TBC1D5: variants seen among roughly 807,000 people sequenced by gnomAD.
The protein encoded by TBC1D5 is TBC1 domain family member 5, also known as TBC1 domain family, member 5.
Under a neutral mutation model 100.3 loss-of-function variants are expected in TBC1D5, and 75 were observed. That is an observed-to-expected ratio of 0.75 (90% CI 0.62 to 0.91). The LOEUF (loss-of-function observed/expected upper bound fraction) is 0.91, where lower values mean the gene tolerates loss of function less well. Ranked by LOEUF, TBC1D5 falls within the 40% of genes least tolerant of loss-of-function variation. The pLI, the probability that TBC1D5 is intolerant of heterozygous loss-of-function variation, is 0.00. For synonymous variants in TBC1D5, 323 were observed against 325.6 expected (o/e 0.99, Z 0.09); for missense variants, 910 against 942.4 (o/e 0.97, Z 0.45).
chr3:17,322,927 C>G (rs979241797), intron 13 of TBC1D5, among the ~76,000 whole-genome samples: 1 of 152,260 alleles, frequency 6.6e-6, no homozygotes, highest in East Asian at 1.9e-4. Context: ...CAGGTGCCAT[C>G]GTGCCTTAGC....
intron 15 of TBC1D5, among the ~76,000 whole-genome samples, chr3:17,281,478 C>A (rs1412746565): frequency 6.6e-6 from 1 of 152,206 alleles, no homozygotes. Flanking sequence ...TCTGGAGGAG[C>A]TTGGAGGCTC....
At chr3:17,307,239 A>G (rs1018991831) in intron 14 of TBC1D5, among the ~76,000 whole-genome samples, 2 of 152,176 alleles carry the variant, frequency 1.3e-5, no homozygotes, top group African/African-American at 4.8e-5. Flanking sequence ...TTAGCTACCT[A>G]TTTCCTAATT....
At chr3:17,468,274 T>A (rs1051040318) in intron 3 of TBC1D5, among the ~76,000 whole-genome samples, 5 of 152,188 alleles carry the variant, frequency 3.3e-5, no homozygotes, top group African/African-American at 1.2e-4. Context: ...GCAGAACATG[T>A]TTGGCAGCTC....
chr3:17,516,414 A>G (rs1031523723), intron 2 of TBC1D5, among the ~76,000 whole-genome samples: 2 of 152,194 alleles, frequency 1.3e-5, no homozygotes, highest in East Asian at 3.8e-4. Context: ...AAGGAAAAAT[A>G]TTAAATAAAT....
At chr3:17,599,714 A>C (rs2060806164) in intron 2 of TBC1D5, among the ~76,000 whole-genome samples, 1 of 152,160 alleles carries the variant, frequency 6.6e-6, no homozygotes, top group South Asian at 2.1e-4. Context: ...GAGGAGCCCA[A>C]AAGTGCTCAC....
chr3:17,272,690 ACTT>A (rs2079556741), intron 15 of TBC1D5, among the ~76,000 whole-genome samples: 1 of 152,172 alleles, frequency 6.6e-6, no homozygotes, highest in Non-Finnish European at 1.5e-5. Context: ...CTATCTTCAA[ACTT>A]CTTCTGGCTA....
chr3:17,636,927 G>T (rs983957924), intron 1 of TBC1D5, among the ~76,000 whole-genome samples: 2 of 152,084 alleles, frequency 1.3e-5, no homozygotes, highest in African/African-American at 4.8e-5. Flanking sequence ...ATAAAAATTT[G>T]TAAGACAGTA....
intron 9 of TBC1D5, 110 bp downstream of exon 9, chr3:17,383,803 T>C: frequency 2.5e-6 from 2 of 792,318 alleles, no homozygotes; most frequent in Non-Finnish European, 1.9e-6. Flanking sequence ...TGCTTTAGCA[T>C]TATGATACAA....
chr3:17,601,609 C>G (rs971208025), intron 2 of TBC1D5, among the ~76,000 whole-genome samples: 1 of 152,154 alleles, frequency 6.6e-6, no homozygotes, highest in Non-Finnish European at 1.5e-5. Flanking sequence ...TTCCTTAGCC[C>G]ATGATACCTG....
chr3:17,716,892 C>T (rs1011997726), intron 1 of TBC1D5, among the ~76,000 whole-genome samples: 4 of 152,084 alleles, frequency 2.6e-5, no homozygotes, highest in Admixed American at 1.3e-4. Context: ...AAATAATATT[C>T]CCAGCAATCC....
chr3:17,555,597 G>T (rs192913837), intron 2 of TBC1D5, among the ~76,000 whole-genome samples: 1 of 152,170 alleles, frequency 6.6e-6, no homozygotes. Flanking sequence ...GCTGGGAAAG[G>T]AATGGGACTG....
chr3:17,628,330 A>G (rs1228059468), intron 1 of TBC1D5, among the ~76,000 whole-genome samples: 1 of 151,660 alleles, frequency 6.6e-6, no homozygotes, highest in Non-Finnish European at 1.5e-5. Flanking sequence ...AGATCACGCC[A>G]CTGCACTCCA....
At chr3:17,564,025 G>A (rs567912656) in intron 2 of TBC1D5, among the ~76,000 whole-genome samples, 42 of 152,106 alleles carry the variant, frequency 2.8e-4, no homozygotes, top group Non-Finnish European at 4.4e-4. Flanking sequence ...CTTGTGATCC[G>A]CCCGCCTTGG....
At chr3:17,554,211 C>T (rs946898069) in intron 2 of TBC1D5, among the ~76,000 whole-genome samples, 7 of 152,164 alleles carry the variant, frequency 4.6e-5, no homozygotes, top group African/African-American at 1.4e-4. Flanking sequence ...GGTTATCAGT[C>T]AATATAAAAA....
At chr3:17,628,396 C>T (rs1305436936) in intron 1 of TBC1D5, among the ~76,000 whole-genome samples, 1 of 151,426 alleles carries the variant, frequency 6.6e-6, no homozygotes, top group African/African-American at 2.4e-5. Flanking sequence ...AATACACACA[C>T]CCAATTTGCA....
chr3:17,499,187 G>GT (rs67268894), intron 3 of TBC1D5, among the ~76,000 whole-genome samples: 1 of 152,126 alleles, frequency 6.6e-6, no homozygotes, highest in African/African-American at 2.4e-5. Context: ...GCAGTATATA[G>GT]TTTTTTTAAA....
At chr3:17,369,291 T>G (rs1478300663) in intron 13 of TBC1D5, among the ~76,000 whole-genome samples, 2 of 152,156 alleles carry the variant, frequency 1.3e-5, no homozygotes, top group Non-Finnish European at 2.9e-5. Context: ...GGACATCATA[T>G]TCACATAGCC....
chr3:17,206,655 C>T (rs936019932), intron 18 of TBC1D5, among the ~76,000 whole-genome samples: 9 of 152,204 alleles, frequency 5.9e-5, no homozygotes, highest in African/African-American at 2.2e-4. Context: ...GGTCACCCCC[C>T]TGTAGTGCTG....
intron 3 of TBC1D5, among the ~76,000 whole-genome samples, chr3:17,473,473 T>G (rs908245985): frequency 6.6e-6 from 1 of 152,218 alleles, no homozygotes; most frequent in East Asian, 1.9e-4. Flanking sequence ...TCATCCTTTA[T>G]GTATTTTAAC....
Sources: gnomAD v4.1 joint callset for allele counts (sites outside exome capture counted in the v4.1 genomes callset) on GRCh38, gnomAD v4.1.1 for gene constraint, MANE v1.5 for transcripts, NCBI Gene and HGNC (gene_info 2026-07-23, HGNC 2026-07-21) for gene names.